Variants in FMN1 observed in about 807,000 individuals in gnomAD.
FMN1 encodes the protein formin-1.
Under a neutral mutation model 132.4 loss-of-function variants are expected in FMN1, and 110 were observed. That is an observed-to-expected ratio of 0.83 (90% CI 0.71 to 0.97). The LOEUF is 0.97. Ranked by LOEUF, FMN1 falls within the 50% of genes least tolerant of loss-of-function variation. The probability of loss-of-function intolerance (pLI) is 0.00; values close to 1 mark genes in which losing one functional copy is unlikely to be tolerated. For missense variants in FMN1, 1,792 were observed against 1,705.3 expected, an observed-to-expected ratio of 1.05 and a Z score of -0.90; for synonymous variants, 722 against 651.7, an observed-to-expected ratio of 1.11 and a Z score of -1.64.
intron 17 of FMN1, among the ~76,000 whole-genome samples, chr15:32,853,944 G>A (rs1459790965): frequency 4.6e-5 from 7 of 152,286 alleles, no homozygotes; most frequent in African/African-American, 1.7e-4. Context: ...GAAAGCCTAC[G>A]GAACATGCCT....
At chr15:32,901,149 C>T (rs754224275) in intron 13 of FMN1, among the ~76,000 whole-genome samples, 3 of 150,900 alleles carry the variant, frequency 2.0e-5, no homozygotes, top group South Asian at 2.1e-4. Context: ...AATGAGACTC[C>T]GTCTCAAAAA....
intron 2 of FMN1, among the ~76,000 whole-genome samples, chr15:33,182,702 C>T (rs1965745695): frequency 1.3e-5 from 2 of 152,160 alleles, no homozygotes; most frequent in South Asian, 2.1e-4. Context: ...TCTTTCTGCC[C>T]AGGCGCCATC....
chr15:32,774,854 T>C (rs1475620438), intron 20 of FMN1, among the ~76,000 whole-genome samples: 1 of 152,210 alleles, frequency 6.6e-6, no homozygotes, highest in Non-Finnish European at 1.5e-5. Context: ...AGTTCCCGAT[T>C]TGCCATGGAT....
At chr15:32,914,173 T>C (rs761582433) in intron 10 of FMN1, among the ~76,000 whole-genome samples, 13 of 152,236 alleles carry the variant, frequency 8.5e-5, no homozygotes, top group Non-Finnish European at 1.8e-4. Context: ...TATCTTTCCT[T>C]ATTCAAAAAA....
chr15:32,917,779 T>A (rs1026452577), intron 10 of FMN1, among the ~76,000 whole-genome samples: 1 of 152,098 alleles, frequency 6.6e-6, no homozygotes, highest in Non-Finnish European at 1.5e-5. Flanking sequence ...CTAAAAAAAG[T>A]TTCAATGAAT....
At chr15:33,156,047 GT>G (rs1964656834) in intron 3 of FMN1, among the ~76,000 whole-genome samples, 1 of 152,100 alleles carries the variant, frequency 6.6e-6, no homozygotes, top group Non-Finnish European at 1.5e-5. Flanking sequence ...TTTTCCTCAG[GT>G]TTTTTCTAAC....
chr15:32,918,213 T>C (rs1470885082), intron 10 of FMN1, among the ~76,000 whole-genome samples: 1 of 152,094 alleles, frequency 6.6e-6, no homozygotes, highest in East Asian at 1.9e-4. Context: ...TAACAATAAT[T>C]GTAATTTTAC....
chr15:32,951,224 C>T (rs1418711391), intron 9 of FMN1, among the ~76,000 whole-genome samples: 1 of 152,106 alleles, frequency 6.6e-6, no homozygotes, highest in Non-Finnish European at 1.5e-5. Context: ...ATGTTACCTG[C>T]CAATAGCTGG....
intron 4 of FMN1, among the ~76,000 whole-genome samples, chr15:33,095,402 A>G (rs984830582): frequency 2.6e-5 from 4 of 152,248 alleles, no homozygotes; most frequent in Admixed American, 2.6e-4. Flanking sequence ...AAAAACATGT[A>G]TATATATTTT....
intron 1 of FMN1, 112 bp from the exon 2 acceptor site, chr15:33,194,172 G>T (rs1966182564): frequency 8.2e-6 from 1 of 122,674 alleles, no homozygotes; most frequent in East Asian, 2.5e-4. Context: ...CCCCCTCTGC[G>T]CTAAACACAT....
intron 16 of FMN1, among the ~76,000 whole-genome samples, chr15:32,870,469 A>T (rs935696235): frequency 6.6e-6 from 1 of 152,170 alleles, no homozygotes; most frequent in Non-Finnish European, 1.5e-5. Flanking sequence ...TCCATGAAAA[A>T]ATTTAAGCAG....
chr15:32,847,680 C>G (rs1303579134), intron 17 of FMN1, among the ~76,000 whole-genome samples: 1 of 152,168 alleles, frequency 6.6e-6, no homozygotes, highest in African/African-American at 2.4e-5. Flanking sequence ...CAGTGAAACC[C>G]CGTCTCTACT....
chr15:33,151,367 T>A, intron 4 of FMN1: 2 of 1,536,688 alleles, frequency 1.3e-6, no homozygotes, highest in African/African-American at 1.4e-5. Flanking sequence ...CTGCTGAAGA[T>A]CCCAATGGAA....
At chr15:32,779,035 A>G (rs907232236) in intron 19 of FMN1, among the ~76,000 whole-genome samples, 3 of 152,212 alleles carry the variant, frequency 2.0e-5, no homozygotes, top group African/African-American at 7.2e-5. Flanking sequence ...CCTCAAAAAC[A>G]TTGTGCTAAG....
intron 4 of FMN1, among the ~76,000 whole-genome samples, chr15:33,094,967 C>T (rs1194188084): frequency 1.3e-5 from 2 of 152,144 alleles, no homozygotes; most frequent in African/African-American, 4.8e-5. Flanking sequence ...TAAAAGCCTC[C>T]GTCTACTCCC....
intron 7 of FMN1, among the ~76,000 whole-genome samples, chr15:32,993,368 C>A (rs1427925002): frequency 1.3e-5 from 2 of 152,154 alleles, no homozygotes; most frequent in African/African-American, 4.8e-5. Flanking sequence ...TCTAAAGGAT[C>A]TATTTGCCAT....
chr15:32,989,796 A>T (rs1438194275), intron 7 of FMN1, among the ~76,000 whole-genome samples: 1 of 152,160 alleles, frequency 6.6e-6, no homozygotes, highest in African/African-American at 2.4e-5. Context: ...CAGAGCCCAG[A>T]TTAACATAAT....
At chr15:33,143,199 G>C (rs1321206484) in intron 4 of FMN1, among the ~76,000 whole-genome samples, 1 of 152,124 alleles carries the variant, frequency 6.6e-6, no homozygotes, top group Non-Finnish European at 1.5e-5. Context: ...CCAAACCCAT[G>C]CAGAGATGAA....
chr15:32,828,602 C>T (rs1467544124), intron 17 of FMN1, among the ~76,000 whole-genome samples: 1 of 151,928 alleles, frequency 6.6e-6, no homozygotes, highest in Non-Finnish European at 1.5e-5. Context: ...TTTGCATCTA[C>T]TGCACTCTGC....
Sources: allele counts gnomAD v4.1 joint callset (sites outside exome capture counted in the v4.1 genomes callset), GRCh38; gene constraint gnomAD v4.1.1; transcripts MANE v1.5; gene names NCBI Gene and HGNC (gene_info 2026-07-23, HGNC 2026-07-21).